The following CNTN4 variants were observed in gnomAD, a reference collection of about 807,000 sequenced individuals.
The protein encoded by CNTN4 is contactin-4.
CNTN4 carries 77 observed loss-of-function variants against 122.5 expected under a neutral mutation model. That is an observed-to-expected ratio of 0.63 (90% confidence interval 0.52 to 0.76). CNTN4 has a LOEUF of 0.76. Among genes scored for constraint, CNTN4 ranks in the 30% least tolerant of loss-of-function variants. The pLI is 0.00. For missense variants in CNTN4, 1,256 were observed against 1,259.1 expected (o/e 1.00, Z 0.04); for synonymous variants, 512 against 447.0 (o/e 1.15, Z -1.83).
chr3:2,383,656 C>A (rs935278415), intron 3 of CNTN4, among the ~76,000 whole-genome samples: 1 of 149,898 alleles, frequency 6.7e-6, no homozygotes, highest in Non-Finnish European at 1.5e-5. Context: ...ACTCTCTCTT[C>A]CCCCATTTCC....
intron 2 of CNTN4, among the ~76,000 whole-genome samples, chr3:2,210,338 T>G (rs2038558614): frequency 6.6e-6 from 1 of 152,168 alleles, no homozygotes; most frequent in Non-Finnish European, 1.5e-5. Flanking sequence ...GAGAATAGAC[T>G]TCCCAGGACC....
At chr3:2,673,699 C>T (rs1207181700) in intron 4 of CNTN4, among the ~76,000 whole-genome samples, 1 of 152,194 alleles carries the variant, frequency 6.6e-6, no homozygotes, top group East Asian at 1.9e-4. Flanking sequence ...CACCACCACG[C>T]CCGGCTAATT....
intron 7 of CNTN4, among the ~76,000 whole-genome samples, chr3:2,856,003 T>G (rs925941566): frequency 3.3e-5 from 5 of 152,230 alleles, no homozygotes; most frequent in African/African-American, 1.2e-4. Context: ...AATGGTCTGA[T>G]GAAAGAGATA....
chr3:2,917,146 T>A (rs114573480), intron 12 of CNTN4, among the ~76,000 whole-genome samples: 12 of 138,844 alleles, frequency 8.6e-5, no homozygotes, highest in South Asian at 7.0e-4. Flanking sequence ...CCAAAAAATA[T>A]AAAAACCAGT....
chr3:2,366,164 T>C (rs2045368859), intron 3 of CNTN4, among the ~76,000 whole-genome samples: 1 of 152,200 alleles, frequency 6.6e-6, no homozygotes, highest in Admixed American at 6.5e-5. Context: ...AGCCTATCAA[T>C]GTTTGGAAAG....
At chr3:2,993,299 A>ATTTT (rs576176618) in intron 14 of CNTN4, among the ~76,000 whole-genome samples, 1,911 of 143,892 alleles carry the variant, frequency 0.013, 16 homozygotes, top group Middle Eastern at 0.036. Flanking sequence ...AGACTGTGTA[A>ATTTT]TTTTTTTTTT....
chr3:2,741,275 C>T (rs542362722), intron 5 of CNTN4, among the ~76,000 whole-genome samples: 23 of 152,254 alleles, frequency 1.5e-4, no homozygotes, highest in Admixed American at 1.4e-3. Context: ...TCTAGGTATT[C>T]TGGAGGAAAG....
At chr3:2,461,337 AATT>A (rs1272147550) in intron 3 of CNTN4, among the ~76,000 whole-genome samples, 7 of 152,070 alleles carry the variant, frequency 4.6e-5, no homozygotes, top group South Asian at 4.1e-4. Flanking sequence ...ATTAATTATT[AATT>A]ATTAATTAAT....
At chr3:2,268,175 A>C (rs949790534) in intron 2 of CNTN4, among the ~76,000 whole-genome samples, 1 of 152,126 alleles carries the variant, frequency 6.6e-6, no homozygotes, top group African/African-American at 2.4e-5. Flanking sequence ...TCGATGATAC[A>C]GGTAGGACTA....
At chr3:2,853,992 C>G (rs1433790736) in intron 7 of CNTN4, among the ~76,000 whole-genome samples, 3 of 152,156 alleles carry the variant, frequency 2.0e-5, no homozygotes, top group African/African-American at 7.2e-5. Context: ...GTAATAAAGC[C>G]AAACTCATAG....
intron 10 of CNTN4, among the ~76,000 whole-genome samples, chr3:2,888,166 A>C (rs1295571120): frequency 6.6e-6 from 1 of 152,166 alleles, no homozygotes; most frequent in Admixed American, 6.5e-5. Flanking sequence ...TGGTTTTAAG[A>C]TATGACCGAA....
At chr3:2,971,039 G>A (rs778375269) in intron 13 of CNTN4, among the ~76,000 whole-genome samples, 3 of 152,224 alleles carry the variant, frequency 2.0e-5, no homozygotes, top group Non-Finnish European at 4.4e-5. Flanking sequence ...TGCCCATCTC[G>A]GCCTCCCAAA....
intron 3 of CNTN4, among the ~76,000 whole-genome samples, chr3:2,414,320 G>A (rs150449338): frequency 9.7e-4 from 147 of 152,146 alleles, no homozygotes; most frequent in African/African-American, 3.3e-3. Flanking sequence ...AGCATATTGC[G>A]TGCGCTTAGT....
intron 6 of CNTN4, among the ~76,000 whole-genome samples, chr3:2,756,040 C>A (rs898295653): frequency 1.3e-5 from 2 of 152,140 alleles, no homozygotes; most frequent in Non-Finnish European, 2.9e-5. Context: ...AGGGAGACCA[C>A]TTTCTGAATG....
chr3:2,834,898 C>CTTTTTTTT lies in CNTN4; in HGVS notation c.454+15334_454+15341dup, dbSNP rs71058653. Among the ~76,000 whole-genome samples the CTTTTTTTT allele has an allele frequency of 2.6e-3, 160 of 60,454 alleles. 20 individuals are homozygous for CTTTTTTTT. The highest frequency in any genetic ancestry group is 8.5e-3 in the South Asian group (10 of 1,178). 39.7% of individuals were successfully genotyped at this position (60,454 alleles called of 152,430 possible). On this transcript the variant is annotated intron_variant, in intron 7 of 24. Coordinates refer to ENST00000418658, the MANE Select transcript of CNTN4 (RefSeq NM_175607.3). The stretch of plus-strand genomic sequence containing the variant: ...AAGCATTAAATTAGATAAAGGCAAC[C>CTTTTTTTT]TTTTTTTTTTTTTTTTTTTTTTTTG...
intron 4 of CNTN4, among the ~76,000 whole-genome samples, chr3:2,679,910 G>T (rs1576438439): frequency 6.6e-6 from 1 of 151,904 alleles, no homozygotes. Flanking sequence ...TTCTAATTTT[G>T]CTTATCATTT....
At position 2,389,505 on chromosome 3, in the gene CNTN4, T is replaced by C. The variant is rs550841297; in HGVS notation, c.-89+50272T>C. Among the ~76,000 whole-genome samples the C allele has an allele frequency of 2.0e-5, 3 of 152,376 alleles. No homozygotes were observed. The South Asian group carries it at 6.2e-4, about 32-fold the overall frequency. Reference sequence around the variant, plus strand: ...TACTACTGATCGCCTTATTTTATTTTTCTAATAGCTCTTACCACTACTGCA... The same window carrying C: ...TACTACTGATCGCCTTATTTTATTTCTCTAATAGCTCTTACCACTACTGCA... On this transcript the variant is annotated intron_variant, in intron 3 of 24. Coordinates refer to ENST00000418658, the MANE Select transcript of CNTN4 (RefSeq NM_175607.3).
chr3:3,001,111 T>C (rs544638414), intron 14 of CNTN4, among the ~76,000 whole-genome samples: 4 of 152,270 alleles, frequency 2.6e-5, no homozygotes, highest in African/African-American at 9.6e-5. Flanking sequence ...GAGAAGTAAG[T>C]TGAGGCAGTT....
chr3:2,376,908 A>C (rs1301475167), intron 3 of CNTN4, among the ~76,000 whole-genome samples: 1 of 152,126 alleles, frequency 6.6e-6, no homozygotes, highest in Non-Finnish European at 1.5e-5. Flanking sequence ...CTGTAATCCC[A>C]GCACTTTGGG....
Sources: allele counts gnomAD v4.1 joint callset (sites outside exome capture counted in the v4.1 genomes callset), GRCh38; gene constraint gnomAD v4.1.1; transcripts MANE v1.5; gene names NCBI Gene and HGNC (gene_info 2026-07-23, HGNC 2026-07-21).